The following NLRP14 variants were observed in gnomAD, a reference collection of about 807,000 sequenced individuals.
NLRP14 encodes the protein NLR family pyrin domain containing 14.
A neutral mutation model predicts 94.7 loss-of-function variants in NLRP14; 105 were observed. That is an observed-to-expected ratio of 1.11 (90% CI 0.95 to 1.30). NLRP14 has a LOEUF of 1.30. Ranked by LOEUF, NLRP14 falls within the 50% of genes most tolerant of loss-of-function variation. The pLI is 0.00. For missense variants in NLRP14, 1,362 were observed against 1,254.1 expected (o/e 1.09, Z -1.30); for synonymous variants, 508 against 459.9 (o/e 1.10, Z -1.34).
intron 3 of NLRP14, among the ~76,000 whole-genome samples, chr11:7,041,557 CATTGT>C (rs1398675975): frequency 6.6e-6 from 1 of 152,102 alleles, no homozygotes; most frequent in Non-Finnish European, 1.5e-5. Context: ...TCAATTATAT[CATTGT>C]ATTCTCATTT....
At position 7,070,384 on chromosome 11, in the gene NLRP14, C is replaced by T. The variant is rs1385809114; in HGVS notation, c.3074C>T (p.Thr1025Ile). Reference sequence around the variant, plus strand: ...ATAAAAATGAATCTGACACAGAATACCTTAGGATATGAAGGAATTGTGAAG... The same window carrying T: ...ATAAAAATGAATCTGACACAGAATATCTTAGGATATGAAGGAATTGTGAAG... ...RLIKMNLTQNTLGYEGIVKLY... is the reference protein window; with the variant it reads ...RLIKMNLTQNILGYEGIVKLY... The change falls in exon 11 of 12, where the codon ACC becomes ATC. Residue 1025 changes from threonine (T) to isoleucine (I), a missense_variant. Coordinates refer to ENST00000299481, the MANE Select transcript of NLRP14 (RefSeq NM_176822.4). 6 of 1,607,608 alleles carry T rather than the reference C, an allele frequency of 3.7e-6. No homozygotes were observed. Among genetic ancestry groups the T allele is most frequent in the East Asian group, 2.2e-5 (1 of 44,810 alleles).
chr11:7,087,888 A>T, the NLRP14 span, among the ~76,000 whole-genome samples: 1 of 152,212 alleles, frequency 6.6e-6, no homozygotes, highest in African/African-American at 2.4e-5. Flanking sequence ...TTTACGAATA[A>T]GGAGGATCAT....
intron 6 of NLRP14, among the ~76,000 whole-genome samples, chr11:7,055,366 G>T (rs1003676067): frequency 2.0e-5 from 3 of 151,956 alleles, no homozygotes; most frequent in African/African-American, 7.3e-5. Context: ...CAACTCTCCT[G>T]TTATCTCTCA....
chr11:7,035,675 T>C (rs1852151072), intron 1 of NLRP14, among the ~76,000 whole-genome samples: 1 of 152,172 alleles, frequency 6.6e-6, no homozygotes, highest in African/African-American at 2.4e-5. Context: ...CTAGGTCAAA[T>C]CTTACCTCCC....
At chr11:7,056,134 A>G (rs1852511627) in intron 6 of NLRP14, among the ~76,000 whole-genome samples, 1 of 151,998 alleles carries the variant, frequency 6.6e-6, no homozygotes. Flanking sequence ...ATTACTTTAT[A>G]CATGTGAGAG....
intron 6 of NLRP14, among the ~76,000 whole-genome samples, chr11:7,053,839 C>T (rs191068072): frequency 4.6e-5 from 7 of 152,092 alleles, no homozygotes; most frequent in Admixed American, 3.9e-4. Flanking sequence ...TTAAAATGTA[C>T]AATTATTTTT....
At chr11:7,061,196 A>C (rs1018133954) in intron 9 of NLRP14, among the ~76,000 whole-genome samples, 24 of 152,078 alleles carry the variant, frequency 1.6e-4, no homozygotes, top group African/African-American at 5.8e-4. Context: ...TATAAACACA[A>C]GGCAATTACA....
intron 1 of NLRP14, among the ~76,000 whole-genome samples, chr11:7,031,521 G>C (rs993701972): frequency 6.6e-6 from 1 of 152,196 alleles, no homozygotes; most frequent in African/African-American, 2.4e-5. Flanking sequence ...AAATTCCAAA[G>C]AGATAAATGA....
rs1327506128 is a variant in NLRP14 at position 7,043,205 on chromosome 11, C to T, written c.1179C>T (p.Cys393=). 6 of 1,614,112 alleles carry T rather than the reference C, an allele frequency of 3.7e-6. No individual in the cohort carries two copies. Among genetic ancestry groups the T allele is most frequent in the Middle Eastern group, 1.6e-4 (1 of 6,062 alleles). The change falls in exon 4 of 12, where the codon TGC becomes TGT. Residue 393 remains cysteine, a synonymous_variant. Transcript: ENST00000299481. ...AGGGTGGTGATGTCACATTGACCTG[C>T]CAAACAACCACAGCTCTGTTTACCT... is the stretch of plus-strand genomic sequence containing the variant. The part of the protein sequence containing the change: ...MEKGGDVTLT[C]QTTTALFTCY...
the NLRP14 span, among the ~76,000 whole-genome samples, chr11:7,081,534 CATCTT>C: frequency 3.3e-4 from 50 of 152,080 alleles, no homozygotes; most frequent in African/African-American, 1.1e-3. Context: ...TTAAACAAAA[CATCTT>C]ATCCTTGTTG....
At position 7,042,858 on chromosome 11, in the gene NLRP14, G is replaced by A. The variant is rs1225146395; in HGVS notation, c.832G>A (p.Asp278Asn). 5 of 1,614,066 alleles carry A rather than the reference G, an allele frequency of 3.1e-6. No homozygotes were observed. The highest frequency in any genetic ancestry group is 4.2e-6 in the Non-Finnish European group (5 of 1,180,046). The stretch of plus-strand genomic sequence containing the variant: ...AGAACCTGAGTTTGCACTGTGCGAA[G>A]ACTGGACCCAAGAACACCCAGTGTC... The part of the protein sequence containing the change: ...FEEPEFALCE[D>N]WTQEHPVSFL... Residue 278 changes from aspartate to asparagine, a missense_variant, in exon 4 of 12, where the codon GAC becomes AAC. Asp to Asn is a conservative substitution (Grantham distance 23). Coordinates refer to ENST00000299481, the MANE Select transcript of NLRP14 (RefSeq NM_176822.4).
At chr11:7,084,773 T>G in the NLRP14 span, among the ~76,000 whole-genome samples, 18 of 152,250 alleles carry the variant, frequency 1.2e-4, no homozygotes, top group African/African-American at 3.4e-4. Context: ...TAGTAAATTA[T>G]CAAACCCAAG....
At chr11:7,028,772 C>T (rs1852050169) in intron 1 of NLRP14, among the ~76,000 whole-genome samples, 2 of 152,010 alleles carry the variant, frequency 1.3e-5, no homozygotes, top group South Asian at 4.2e-4. Flanking sequence ...TCACTTTACT[C>T]CCTTCTTTCA....
intron 1 of NLRP14, among the ~76,000 whole-genome samples, chr11:7,028,769 A>G (rs1384333049): frequency 1.3e-5 from 2 of 151,476 alleles, no homozygotes; most frequent in Admixed American, 6.6e-5. Context: ...TTTTCACTTT[A>G]CTCCCTTCTT....
At chr11:7,051,245 TC>T (rs1309754575) in intron 6 of NLRP14, among the ~76,000 whole-genome samples, 2 of 152,334 alleles carry the variant, frequency 1.3e-5, no homozygotes, top group East Asian at 3.9e-4. Flanking sequence ...GACTGCATGT[TC>T]CCCCAGTGTG....
intron 6 of NLRP14, 25 bp downstream of exon 6, chr11:7,049,863 G>T (rs777279823): frequency 1.2e-6 from 2 of 1,604,870 alleles, no homozygotes; most frequent in Non-Finnish European, 1.7e-6. Flanking sequence ...GTTTTGTCTT[G>T]TTTTGTTTTT....
chr11:7,072,068 G>T (rs1429722099), downstream of NLRP14, among the ~76,000 whole-genome samples: 1 of 152,160 alleles, frequency 6.6e-6, no homozygotes, highest in Non-Finnish European at 1.5e-5. Flanking sequence ...AGACTGTTCT[G>T]GTTATTTATT....
At chr11:7,080,639 G>C in the NLRP14 span, among the ~76,000 whole-genome samples, 3 of 152,092 alleles carry the variant, frequency 2.0e-5, no homozygotes, top group Non-Finnish European at 4.4e-5. Flanking sequence ...CACTCCACAA[G>C]TCAGTCAATA....
chr11:7,086,930 T>G, the NLRP14 span, among the ~76,000 whole-genome samples: 1 of 151,124 alleles, frequency 6.6e-6, no homozygotes, highest in Non-Finnish European at 1.5e-5. Context: ...AGTCAGGAGA[T>G]TTTTTGTTCC....
Sources: gnomAD v4.1 joint callset for allele counts (sites outside exome capture counted in the v4.1 genomes callset) on GRCh38, gnomAD v4.1.1 for gene constraint, MANE v1.5 for transcripts, NCBI Gene and HGNC (gene_info 2026-07-23, HGNC 2026-07-21) for gene names.